The following GAREM2 variants were observed in gnomAD, a reference collection of about 807,000 sequenced individuals.
The protein encoded by GAREM2 is GRB2-associated and regulator of MAPK protein 2.
In GAREM2, 30 loss-of-function variants were observed where a neutral mutation model predicts 55.6. The ratio of observed to expected loss-of-function variants is 0.54; its 90% CI spans 0.40 to 0.73. GAREM2 has a LOEUF of 0.73. GAREM2 is among the 30% of genes least tolerant of loss of function. The pLI is 0.00. For missense variants in GAREM2, 1,075 were observed against 1,257.7 expected, an observed-to-expected ratio of 0.85 and a Z score of 2.20; for synonymous variants, 550 against 569.1, an observed-to-expected ratio of 0.97 and a Z score of 0.48.
At chr2:26,183,513 C>T (rs1336402340) in intron 3 of GAREM2, among the ~76,000 whole-genome samples, 1 of 152,140 alleles carries the variant, frequency 6.6e-6, no homozygotes, top group East Asian at 1.9e-4. Context: ...CAACTGAGGC[C>T]AGGAGTTTGA....
chr2:26,201,387 GC>G, the GAREM2 span: 4 of 1,074,902 alleles, frequency 3.7e-6, no homozygotes, highest in South Asian at 5.1e-5. Context: ...ATGTCCATGG[GC>G]CAGAGCACAC....
the GAREM2 span, among the ~76,000 whole-genome samples, chr2:26,199,736 C>G: frequency 1.3e-5 from 2 of 151,884 alleles, no homozygotes; most frequent in African/African-American, 4.8e-5. Context: ...ATCTTTTTTT[C>G]TTCCTGACAA....
chr2:26,195,089 T>C, the GAREM2 span: 4 of 1,612,122 alleles, frequency 2.5e-6, no homozygotes, highest in African/African-American at 1.3e-5. Flanking sequence ...TACAGCCCCT[T>C]ACCTTAACCA....
chr2:26,194,556 A>G (rs1362729289), downstream of GAREM2: 1 of 1,548,320 alleles, frequency 6.5e-7, no homozygotes, highest in South Asian at 1.1e-5. Context: ...AACACTCTGG[A>G]GAGCAATACC....
the GAREM2 span, among the ~76,000 whole-genome samples, chr2:26,203,701 T>C: frequency 1.3e-5 from 2 of 152,124 alleles, no homozygotes; most frequent in South Asian, 2.1e-4. Context: ...TCCTTAACAA[T>C]AGAGCAATTA....
rs1216818060 is a variant in GAREM2, at chr2:26,185,189, G to C, written c.1341G>C (p.Gly447=). ...GPEGLVRPPP[G]LDLISFGAAG... is the part of the protein sequence containing the mutation. Reference sequence around the variant, plus strand: ...AGGGCCTCGTCCGGCCGCCCCCAGGGCTCGATCTCATCTCCTTCGGGGCCG... The same window carrying C: ...AGGGCCTCGTCCGGCCGCCCCCAGGCCTCGATCTCATCTCCTTCGGGGCCG... Residue 447 remains glycine, a synonymous_variant, in exon 4 of 6, where the codon GGG becomes GGC. Transcript: ENST00000401533. 3 of 1,516,826 alleles carry C rather than the reference G, an allele frequency of 2.0e-6. No homozygotes were observed. The highest frequency in any genetic ancestry group is 2.0e-5 in the Admixed American group (1 of 49,860). The allele number at this position is 1,516,826 out of a possible 1,614,324, so 94.0% of individuals were successfully genotyped here.
the GAREM2 span, chr2:26,197,549 T>C: frequency 1.4e-6 from 1 of 696,154 alleles, no homozygotes; most frequent in East Asian, 2.6e-5. Flanking sequence ...GTCATGGTAT[T>C]AGCATTTATT....
At chr2:26,202,497 T>C in the GAREM2 span, among the ~76,000 whole-genome samples, 6 of 152,240 alleles carry the variant, frequency 3.9e-5, no homozygotes, top group African/African-American at 1.2e-4. Context: ...TCCCAGCACT[T>C]TGGGAGGCTG....
chr2:26,194,174 C>CT (rs1669593731), downstream of GAREM2, among the ~76,000 whole-genome samples: 2 of 152,314 alleles, frequency 1.3e-5, no homozygotes, highest in African/African-American at 4.8e-5. Context: ...GAGGATCCCT[C>CT]TCCTTTCCTG....
At chr2:26,195,497 A>C in the GAREM2 span, among the ~76,000 whole-genome samples, 1 of 151,724 alleles carries the variant, frequency 6.6e-6, no homozygotes, top group Non-Finnish European at 1.5e-5. Context: ...TGCCAAAACC[A>C]CAGCTCGAGG....
the GAREM2 span, among the ~76,000 whole-genome samples, chr2:26,200,730 A>G: frequency 1.7e-5 from 2 of 114,588 alleles, no homozygotes; most frequent in Non-Finnish European, 3.4e-5. Context: ...TTGATAACAA[A>G]AAGTCTTTTT....
chr2:26,201,002 G>C, the GAREM2 span: 1 of 714,628 alleles, frequency 1.4e-6, no homozygotes, highest in Non-Finnish European at 2.5e-6. Flanking sequence ...AAACTACTGG[G>C]ATTATAGGCG....
rs578066309 is a variant in GAREM2, at chr2:26,179,123, G to C, written c.253+2639G>C. The stretch of plus-strand genomic sequence containing the variant: ...GGCTGAAGGCACTGCGGGGTGACTC[G>C]GTCTCCAGGCTGCGGCGCTCTGCTC... On this transcript the variant is annotated intron_variant, in intron 2 of 5. Transcript: ENST00000401533. The surrounding 1 kb of genome is among the most constrained non-coding windows in gnomAD (Gnocchi z 4.7). Among the ~76,000 whole-genome samples the C allele has an allele frequency of 6.6e-6, 1 of 152,162 alleles. No homozygotes were observed. The highest frequency in any genetic ancestry group is 1.5e-5 in the Non-Finnish European group (1 of 68,016).
the GAREM2 span, chr2:26,201,319 A>G: frequency 1.2e-6 from 2 of 1,603,660 alleles, no homozygotes; most frequent in South Asian, 2.2e-5. Context: ...TTGTCATTCA[A>G]TCTAGAAAAA....
Position 26,187,350 on chromosome 2 carries a change from C to T in GAREM2, c.1718C>T (p.Pro573Leu). Reference sequence around the variant, plus strand: ...TCCTCTAGCCGCCCAGCCCCCGGTCCCCTACCCTCAACCACACAGCCCAGC... The same window carrying T: ...TCCTCTAGCCGCCCAGCCCCCGGTCTCCTACCCTCAACCACACAGCCCAGC... ...GESSSRPAPG[P>L]LPSTTQPSQA... The change falls in exon 6 of 6, where the codon CCC becomes CTC. Residue 573 changes from proline (P) to leucine (L), a missense_variant. Around this residue, in one of 6 missense-constraint regions of GAREM2, gnomAD observed 515 missense variants for 501.5 expected, o/e 1.03. Coordinates refer to ENST00000401533, the MANE Select transcript of GAREM2 (RefSeq NM_001168241.2). 6.5e-7 allele frequency: 1 copy of T among 1,545,776 alleles called. No homozygotes were observed. Among genetic ancestry groups the T allele is most frequent in the Non-Finnish European group, 8.7e-7 (1 of 1,143,964 alleles).
chr2:26,203,878 A>G, the GAREM2 span, among the ~76,000 whole-genome samples: 5 of 152,230 alleles, frequency 3.3e-5, no homozygotes, highest in African/African-American at 4.8e-5. Flanking sequence ...AGGAATTGGC[A>G]TTTCTAAAAA....
chr2:26,186,114 A>G, intron 4 of GAREM2, 75 bp from the exon 5 acceptor site: 1 of 1,385,362 alleles, frequency 7.2e-7, no homozygotes, highest in Non-Finnish European at 9.6e-7. Flanking sequence ...CCCCTCGCCC[A>G]GCTGCTTGGG....
intron 2 of GAREM2, chr2:26,182,577 C>A: frequency 1.5e-6 from 2 of 1,336,032 alleles, no homozygotes; most frequent in South Asian, 2.5e-5. Flanking sequence ...CACGGCAAGT[C>A]AGAGGTCAGG....
At chr2:26,173,399 CAG>C in intron 1 of GAREM2, 67 bp downstream of exon 1, 1 of 924,410 alleles carries the variant, frequency 1.1e-6, no homozygotes, top group Non-Finnish European at 1.4e-6. Flanking sequence ...AGCCAGGGGC[CAG>C]AGGGATCGTG....
Sources: allele counts gnomAD v4.1 joint callset (sites outside exome capture counted in the v4.1 genomes callset), GRCh38; gene constraint gnomAD v4.1.1; regional missense constraint gnomAD v4.1.1; non-coding constraint Gnocchi (gnomAD v3.1); transcripts MANE v1.5; gene names NCBI Gene and HGNC (gene_info 2026-07-23, HGNC 2026-07-21).